The following TG variants were observed in gnomAD, a reference collection of about 807,000 sequenced individuals.
TG encodes thyroid hormones.
A neutral mutation model predicts 324.7 loss-of-function variants in TG; 270 were observed. The ratio of observed to expected loss-of-function variants is 0.83; its 90% CI spans 0.75 to 0.92. The LOEUF (loss-of-function observed/expected upper bound fraction) is 0.92. TG is among the 40% of genes least tolerant of loss of function. TG has a pLI of 0.00. For synonymous variants in TG, 1,401 were observed against 1,327.0 expected, an observed-to-expected ratio of 1.06 and a Z score of -1.21; for missense variants, 3,591 against 3,456.4, an observed-to-expected ratio of 1.04 and a Z score of -0.98.
At chr8:132,920,482 T>C (rs2002751929) in intron 21 of TG, among the ~76,000 whole-genome samples, 1 of 152,236 alleles carries the variant, frequency 6.6e-6, no homozygotes, top group African/African-American at 2.4e-5. Flanking sequence ...TTTTATAGGC[T>C]GAGAGTCTGG....
Position 132,919,492 on chromosome 8 carries a change from A to G in TG, c.4495A>G (p.Thr1499Ala). ...TGTCCCATGTCCTGTGGGCAGAACG[A>G]CCATTTCTGCTGGAGCTTTCAGCCA... Reference protein sequence around the residue: ...ACVPCPVGRTTISAGAFSQTH... With the variant: ...ACVPCPVGRTAISAGAFSQTH... Residue 1499 changes from threonine to alanine, a missense_variant, in exon 21 of 48, where the codon ACC becomes GCC. By Grantham distance (58) the Thr-to-Ala change is moderately conservative. Transcript: ENST00000220616. The G allele has an allele frequency of 2.5e-6, 4 of 1,614,024 alleles. No homozygotes were observed. Among genetic ancestry groups the G allele is most frequent in the Non-Finnish European group, 3.4e-6 (4 of 1,179,944 alleles).
chr8:132,928,999 C>G (rs1822292125), intron 22 of TG, 77 bp from the exon 23 acceptor site: 1 of 1,214,878 alleles, frequency 8.2e-7, no homozygotes, highest in African/African-American at 1.5e-5. Flanking sequence ...ACTGCTTGAC[C>G]TAACAGTCTT....
chr8:133,056,949 G>T (rs1401451122), intron 41 of TG, among the ~76,000 whole-genome samples: 1 of 152,156 alleles, frequency 6.6e-6, no homozygotes, highest in African/African-American at 2.4e-5. Flanking sequence ...TGATTCGTGG[G>T]CCTGGGGTGG....
intron 22 of TG, among the ~76,000 whole-genome samples, chr8:132,927,164 G>C (rs1370964163): frequency 2.6e-5 from 4 of 152,262 alleles, no homozygotes; most frequent in African/African-American, 9.6e-5. Flanking sequence ...GTGCATATGT[G>C]TGTACACGTT....
chr8:133,066,476 C>T (rs974035708), intron 41 of TG, among the ~76,000 whole-genome samples: 1 of 152,118 alleles, frequency 6.6e-6, no homozygotes, highest in Non-Finnish European at 1.5e-5. Flanking sequence ...AGAGAAATTT[C>T]CAAAATGTTT....
intron 11 of TG, 110 bp downstream of exon 11, chr8:132,894,039 C>G: frequency 2.6e-6 from 4 of 1,550,462 alleles, no homozygotes; most frequent in Non-Finnish European, 3.5e-6. Context: ...CTTCCCCAGA[C>G]TGATGGGTTC....
intron 20 of TG, among the ~76,000 whole-genome samples, chr8:132,918,231 A>G (rs1006216154): frequency 2.0e-5 from 3 of 152,184 alleles, no homozygotes; most frequent in African/African-American, 7.2e-5. Context: ...GCGGAAGTTA[A>G]GTTCTAGCTC....
Position 132,919,498 on chromosome 8 carries a change from T to C in TG, c.4501T>C (p.Ser1501Pro), listed in dbSNP as rs772336211. The C allele has an allele frequency of 1.5e-5, 24 of 1,614,062 alleles. No homozygotes were observed. The South Asian group carries it at 2.6e-4, about 18-fold the overall frequency. ...VPCPVGRTTI[S>P]AGAFSQTHCV... ...ATGTCCTGTGGGCAGAACGACCATT[T>C]CTGCTGGAGCTTTCAGCCAGACTCA... The change falls in exon 21 of 48, where the codon TCT (serine) becomes CCT (proline). Residue 1501 changes from serine to proline, a missense_variant. Transcript: ENST00000220616.
chr8:132,917,395 T>TGC (rs1820497294), intron 20 of TG, among the ~76,000 whole-genome samples: 1 of 151,716 alleles, frequency 6.6e-6, no homozygotes, highest in South Asian at 2.1e-4. Context: ...TATATGTGTG[T>TGC]GTGTGTGTGT....
intron 41 of TG, chr8:133,087,832 C>G (rs1429598689): frequency 6.6e-6 from 1 of 152,110 alleles, no homozygotes; most frequent in African/African-American, 2.4e-5. Context: ...GTCACGTGAC[C>G]TCCTCCAGCT....
chr8:132,946,249 T>A (rs1825275194), intron 26 of TG, among the ~76,000 whole-genome samples: 1 of 152,128 alleles, frequency 6.6e-6, no homozygotes, highest in Non-Finnish European at 1.5e-5. Context: ...TTCCTTAGGA[T>A]CATATATGGA....
chr8:133,075,294 G>T (rs776571667), intron 41 of TG, among the ~76,000 whole-genome samples: 9 of 152,104 alleles, frequency 5.9e-5, no homozygotes, highest in Non-Finnish European at 1.2e-4. Context: ...AACTCTCTGG[G>T]CCCACGAAGG....
intron 41 of TG, chr8:133,072,936 A>G (rs763545174): frequency 2.0e-5 from 3 of 152,236 alleles, no homozygotes; most frequent in Non-Finnish European, 2.9e-5. Context: ...AATCCATCAT[A>G]TTTAACACTG....
chr8:132,885,527 G>A (rs949014455), intron 8 of TG, among the ~76,000 whole-genome samples: 2 of 149,726 alleles, frequency 1.3e-5, no homozygotes, highest in East Asian at 1.9e-4. Context: ...TGCCCTCAAG[G>A]AGACCATAGC....
intron 32 of TG, among the ~76,000 whole-genome samples, chr8:132,971,575 G>T (rs974263690): frequency 5.3e-5 from 8 of 152,184 alleles, no homozygotes; most frequent in African/African-American, 1.9e-4. Context: ...ATGATTAATG[G>T]CAGGACAGTA....
intron 41 of TG, among the ~76,000 whole-genome samples, chr8:133,078,907 C>CA (rs1412109555): frequency 6.6e-6 from 1 of 152,148 alleles, no homozygotes; most frequent in African/African-American, 2.4e-5. Context: ...AGGAGACAGA[C>CA]ACACATATCA....
At chr8:132,873,272 C>T (rs932580801) in intron 5 of TG, 51 bp downstream of exon 5, 1 of 1,608,516 alleles carries the variant, frequency 6.2e-7, no homozygotes, top group Non-Finnish European at 8.5e-7. Flanking sequence ...TGACGCAGCC[C>T]ACACTCACCT....
At chr8:132,953,105 G>A (rs998504209) in intron 27 of TG, among the ~76,000 whole-genome samples, 20 of 152,200 alleles carry the variant, frequency 1.3e-4, no homozygotes, top group Admixed American at 1.2e-3. Context: ...ATTAATGCCT[G>A]CTAATGGGAT....
intron 41 of TG, among the ~76,000 whole-genome samples, chr8:133,052,332 G>A (rs944990657): frequency 6.6e-6 from 1 of 152,216 alleles, no homozygotes; most frequent in African/African-American, 2.4e-5. Flanking sequence ...GTTCATTTGG[G>A]GAAGCTGAGT....
Sources: gnomAD v4.1 joint callset for allele counts (sites outside exome capture counted in the v4.1 genomes callset) on GRCh38, gnomAD v4.1.1 for gene constraint, MANE v1.5 for transcripts, NCBI Gene and HGNC (gene_info 2026-07-23, HGNC 2026-07-21) for gene names.